DLC1: variants seen among roughly 807,000 people sequenced by gnomAD.
DLC1 encodes rho GTPase-activating protein 7.
Under a neutral mutation model 140.3 loss-of-function variants are expected in DLC1, and 54 were observed. The observed-to-expected ratio is 0.38, with a 90% CI of 0.31 to 0.48. DLC1 has a LOEUF of 0.48. DLC1 is among the 20% of genes least tolerant of loss of function. DLC1 has a pLI of 0.96. For synonymous variants in DLC1, 986 were observed against 728.1 expected (o/e 1.35, Z -5.70); for missense variants, 2,536 against 1,907.0 (o/e 1.33, Z -6.14).
At chr8:13,529,920 G>A (rs745901372) in intron 1 of DLC1, among the ~76,000 whole-genome samples, 1 of 152,146 alleles carries the variant, frequency 6.6e-6, no homozygotes, top group Admixed American at 6.5e-5. Context: ...GGGAAAGAAG[G>A]GACGAAAGGC....
chr8:13,311,359 C>A (rs1179343953), intron 4 of DLC1, among the ~76,000 whole-genome samples: 1 of 152,142 alleles, frequency 6.6e-6, no homozygotes, highest in South Asian at 2.1e-4. Flanking sequence ...TCCTAGTGTT[C>A]ACGATTCCAA....
chr8:13,508,704 C>T (rs943941886), intron 1 of DLC1, among the ~76,000 whole-genome samples: 2 of 152,168 alleles, frequency 1.3e-5, no homozygotes, highest in Non-Finnish European at 2.9e-5. Flanking sequence ...AGGCGTGAGC[C>T]ACCACGCCCG....
At chr8:13,567,932 T>A in intron 1 of DLC1, 5 of 1,548,528 alleles carry the variant, frequency 3.2e-6, no homozygotes, top group Non-Finnish European at 4.4e-6. Context: ...GAGCTGGTGA[T>A]TGTTAATGAT....
chr8:13,518,485 C>T (rs1802664183), upstream of DLC1, among the ~76,000 whole-genome samples: 1 of 152,154 alleles, frequency 6.6e-6, no homozygotes, highest in Admixed American at 6.5e-5. Context: ...AGTCATTTCC[C>T]AATCATTTTC....
At chr8:13,382,624 C>G (rs1207454251) in intron 4 of DLC1, among the ~76,000 whole-genome samples, 1 of 151,616 alleles carries the variant, frequency 6.6e-6, no homozygotes, top group Non-Finnish European at 1.5e-5. Flanking sequence ...TCTTCACAGC[C>G]TTTCTAGACA....
At chr8:13,175,002 T>G (rs1485538877) in intron 5 of DLC1, among the ~76,000 whole-genome samples, 1 of 148,152 alleles carries the variant, frequency 6.7e-6, no homozygotes, top group East Asian at 2.1e-4. Context: ...GTTTAAAGTC[T>G]TACATTTAAG....
chr8:13,306,579 TGTGTGAGA>T (rs1322473201), intron 4 of DLC1, among the ~76,000 whole-genome samples: 3 of 149,730 alleles, frequency 2.0e-5, no homozygotes, highest in Non-Finnish European at 3.0e-5. Context: ...TGTGTGTGTG[TGTGTGAGA>T]GAGAGAGAGA....
At chr8:13,146,274 C>CAAAAAAAAA (rs35639452) in intron 5 of DLC1, among the ~76,000 whole-genome samples, 1 of 139,400 alleles carries the variant, frequency 7.2e-6, no homozygotes, top group Non-Finnish European at 1.5e-5. Flanking sequence ...GACTCCATCT[C>CAAAAAAAAA]AAAAAAAAAA....
At chr8:13,288,820 G>A (rs748269150) in intron 5 of DLC1, among the ~76,000 whole-genome samples, 47 of 152,162 alleles carry the variant, frequency 3.1e-4, no homozygotes, top group Non-Finnish European at 6.0e-4. Flanking sequence ...AGACTTGTGT[G>A]GGCTGACATT....
intron 4 of DLC1, among the ~76,000 whole-genome samples, chr8:13,365,250 A>G (rs1031153594): frequency 1.3e-5 from 2 of 152,152 alleles, no homozygotes; most frequent in East Asian, 3.9e-4. Flanking sequence ...GATTATATCT[A>G]TCCTTTAGAA....
intron 2 of DLC1, among the ~76,000 whole-genome samples, chr8:13,490,402 G>A (rs146232861): frequency 5.9e-5 from 9 of 152,098 alleles, no homozygotes; most frequent in African/African-American, 1.2e-4. Flanking sequence ...TTTTCTTTAC[G>A]GTTAGAAAAT....
chr8:13,218,113 A>G (rs1025610582), intron 5 of DLC1, among the ~76,000 whole-genome samples: 3 of 152,194 alleles, frequency 2.0e-5, no homozygotes, highest in African/African-American at 7.2e-5. Flanking sequence ...TATCCACTAG[A>G]AAGTTTCAAA....
At chr8:13,093,645 A>C (rs948854190) in intron 12 of DLC1, among the ~76,000 whole-genome samples, 1 of 152,204 alleles carries the variant, frequency 6.6e-6, no homozygotes, top group African/African-American at 2.4e-5. Flanking sequence ...AACTGATTAA[A>C]CAGCTCCATG....
chr8:13,535,685 G>GA (rs59115159), intron 1 of DLC1, among the ~76,000 whole-genome samples: 2 of 138,726 alleles, frequency 1.4e-5, no homozygotes, highest in South Asian at 2.2e-4. Context: ...AAAAAAAAAA[G>GA]AAAAGAAAAC....
In DLC1 at chr8:13,115,654, A is replaced by G. The variant is rs781512930; in HGVS notation, c.1352T>C (p.Ile451Thr). ...CCAATCACAAGCTTCCTTGGCTTCA[A>G]TTTCTAGAACAGAACAGAAGAAAGA... ...QGISEKEKAE[I>T]EAKEACDWLR... The change falls in exon 6 of 18, where the codon ATT becomes ACT. Residue 451 changes from isoleucine to threonine, a missense_variant. Physicochemically the swap from Ile to Thr is moderately conservative, Grantham distance 89 (BLOSUM62 -1). Coordinates refer to ENST00000276297, the MANE Select transcript of DLC1 (RefSeq NM_182643.3). The G allele has an allele frequency of 8.1e-6, 13 of 1,613,908 alleles. No homozygotes were observed. The South Asian group carries it at 1.1e-4, about 14-fold the overall frequency.
intron 4 of DLC1, among the ~76,000 whole-genome samples, chr8:13,363,387 T>TA (rs397942441): frequency 3.4e-5 from 5 of 145,680 alleles, no homozygotes; most frequent in East Asian, 1.9e-4. Context: ...TTTTTTTTTT[T>TA]AAACTTTATG....
intron 2 of DLC1, among the ~76,000 whole-genome samples, chr8:13,404,702 T>C (rs1172722565): frequency 1.3e-5 from 2 of 152,018 alleles, no homozygotes; most frequent in Non-Finnish European, 2.9e-5. Flanking sequence ...AGATGTCAAG[T>C]TTGTGTACTT....
chr8:13,227,015 A>G (rs1828822972), intron 5 of DLC1, among the ~76,000 whole-genome samples: 1 of 151,942 alleles, frequency 6.6e-6, no homozygotes, highest in Admixed American at 6.6e-5. Flanking sequence ...AATGAGAAAT[A>G]GTTCATTATT....
At chr8:13,232,390 G>T (rs1041173352) in intron 5 of DLC1, among the ~76,000 whole-genome samples, 5 of 152,046 alleles carry the variant, frequency 3.3e-5, no homozygotes, top group Admixed American at 3.3e-4. Context: ...CTGGTGTGCA[G>T]TGGTGTGATC....
Sources: allele counts gnomAD v4.1 joint callset (sites outside exome capture counted in the v4.1 genomes callset), GRCh38; gene constraint gnomAD v4.1.1; transcripts MANE v1.5; gene names NCBI Gene and HGNC (gene_info 2026-07-23, HGNC 2026-07-21).